THADA: variants seen among roughly 807,000 people sequenced by gnomAD.
The protein encoded by THADA is tRNA (32-2'-O)-methyltransferase regulator THADA.
In THADA, 213 loss-of-function variants were observed where a neutral mutation model predicts 219.8. The observed-to-expected ratio is 0.97, with a 90% CI of 0.87 to 1.09. The LOEUF is 1.09. Ranked by LOEUF, THADA falls within the 50% of genes least tolerant of loss-of-function variation. The probability of loss-of-function intolerance (pLI) is 0.00; values close to 1 mark genes in which losing one functional copy is unlikely to be tolerated. For missense variants in THADA, 2,956 were observed against 2,311.3 expected (o/e 1.28, Z -5.72); for synonymous variants, 1,018 against 828.9 (o/e 1.23, Z -3.92).
At chr2:43,381,469 C>T (rs1178905338) in intron 29 of THADA, among the ~76,000 whole-genome samples, 2 of 151,958 alleles carry the variant, frequency 1.3e-5, no homozygotes, top group African/African-American at 4.8e-5. Context: ...GATTTGATTC[C>T]AAAGAGTAGA....
At position 43,394,038 on chromosome 2, in the gene THADA, G is replaced by A. The variant is rs563332024; in HGVS notation, c.4227+3933C>T. Among the ~76,000 whole-genome samples the A allele has an allele frequency of 9.9e-4, 151 of 152,250 alleles. 1 individual carries two copies. The highest frequency in any genetic ancestry group is 3.5e-3 in the African/African-American group (146 of 41,554). On this transcript the variant is annotated intron_variant, in intron 29 of 37. Transcript: ENST00000405975. ...ATGAAGAGTTCTGGCAACAAAAACA[G>A]AAGGTTAAATCTACTTAAAAGACAG...
intron 29 of THADA, among the ~76,000 whole-genome samples, chr2:43,356,982 T>C (rs78681887): frequency 0.018 from 2,709 of 152,312 alleles, 54 homozygotes; most frequent in Non-Finnish European, 0.023. Context: ...TCAAAAGGAA[T>C]GTAGTATGAG....
At position 43,566,346 on chromosome 2, in the gene THADA, T is replaced by C. The variant is rs185088705; in HGVS notation, c.2311+352A>G. 1.4e-3 allele frequency: 835 copies of C among 590,846 alleles called. 2 individuals carry two copies. The highest frequency in any genetic ancestry group is 1.8e-3 in the Non-Finnish European group (609 of 331,072). The allele number at this position is 590,846 out of a possible 1,614,324, so 36.6% of individuals were successfully genotyped here. A position where few individuals can be genotyped will look rare whatever the true frequency, so the allele number is the denominator to read the frequency against. On this transcript the variant is annotated intron_variant, in intron 15 of 37. Coordinates refer to ENST00000405975, the MANE Select transcript of THADA (RefSeq NM_022065.5). Reference sequence around the variant, plus strand: ...ACTCACTGAGAAATATTAAATATAATAGAAGCTATTATTATTTCAAATTTT... The same window carrying C: ...ACTCACTGAGAAATATTAAATATAACAGAAGCTATTATTATTTCAAATTTT...
intron 36 of THADA, among the ~76,000 whole-genome samples, chr2:43,236,194 A>T (rs1668012276): frequency 1.3e-5 from 2 of 152,310 alleles, no homozygotes; most frequent in South Asian, 4.1e-4. Context: ...AGCTGGTGTG[A>T]TGTGGCCAGA....
chr2:43,322,377 G>A (rs1427220181), intron 30 of THADA, among the ~76,000 whole-genome samples: 8 of 151,706 alleles, frequency 5.3e-5, no homozygotes, highest in Non-Finnish European at 7.4e-5. Flanking sequence ...GGTGGCGGGC[G>A]CCTGTATTCC....
chr2:43,290,863 G>C (rs1027456720), intron 34 of THADA, among the ~76,000 whole-genome samples: 1 of 151,898 alleles, frequency 6.6e-6, no homozygotes, highest in Non-Finnish European at 1.5e-5. Flanking sequence ...CCAGGAAGCT[G>C]TTTTTCTTAC....
chr2:43,560,633 G>C (rs1442530618), intron 15 of THADA, among the ~76,000 whole-genome samples: 1 of 151,994 alleles, frequency 6.6e-6, no homozygotes, highest in Non-Finnish European at 1.5e-5. Context: ...CTATATAAAA[G>C]ATTTCTAAGT....
intron 17 of THADA, among the ~76,000 whole-genome samples, chr2:43,555,842 C>T (rs758524137): frequency 6.6e-6 from 1 of 152,070 alleles, no homozygotes; most frequent in Non-Finnish European, 1.5e-5. Flanking sequence ...GACTGACTAG[C>T]ATAAAATTAA....
At chr2:43,375,107 C>G (rs868851705) in intron 29 of THADA, among the ~76,000 whole-genome samples, 88 of 152,190 alleles carry the variant, frequency 5.8e-4, no homozygotes, top group Middle Eastern at 3.4e-3. Flanking sequence ...GAAACTATAT[C>G]ATGCCAGCCA....
chr2:43,331,355 A>G (rs1460982159), intron 30 of THADA, among the ~76,000 whole-genome samples: 1 of 152,224 alleles, frequency 6.6e-6, no homozygotes, highest in Non-Finnish European at 1.5e-5. Flanking sequence ...GCTAATAGAG[A>G]GATTTCTGTT....
chr2:43,290,197 C>T (rs189434518), intron 34 of THADA, among the ~76,000 whole-genome samples: 9 of 151,916 alleles, frequency 5.9e-5, no homozygotes, highest in African/African-American at 1.7e-4. Context: ...GTCTCAAATT[C>T]CTGACCTTAG....
intron 29 of THADA, among the ~76,000 whole-genome samples, chr2:43,366,880 T>A (rs1670216496): frequency 6.6e-6 from 1 of 152,238 alleles, no homozygotes; most frequent in African/African-American, 2.4e-5. Context: ...TACAGCCATG[T>A]TCAATGTACA....
chr2:43,477,310 C>T (rs1030666609), intron 26 of THADA, among the ~76,000 whole-genome samples: 1 of 152,112 alleles, frequency 6.6e-6, no homozygotes, highest in East Asian at 1.9e-4. Flanking sequence ...TAGGGAAATG[C>T]TCATACTGCA....
At chr2:43,462,696 T>C (rs575759526) in intron 26 of THADA, among the ~76,000 whole-genome samples, 1 of 152,308 alleles carries the variant, frequency 6.6e-6, no homozygotes, top group South Asian at 2.1e-4. Context: ...TTATACACTG[T>C]GCCCTATGGT....
intron 30 of THADA, among the ~76,000 whole-genome samples, chr2:43,332,096 A>AT (rs1391423657): frequency 6.6e-6 from 1 of 152,098 alleles, no homozygotes; most frequent in African/African-American, 2.4e-5. Context: ...TATTATTATT[A>AT]TTTTTTTGAG....
chr2:43,417,044 T>C (rs929685913), intron 28 of THADA, among the ~76,000 whole-genome samples: 17 of 149,440 alleles, frequency 1.1e-4, no homozygotes, highest in East Asian at 3.9e-4. Context: ...TTTCTTTTTT[T>C]TTTTTTTTTT....
At chr2:43,545,524 G>T (rs147196397) in intron 20 of THADA, among the ~76,000 whole-genome samples, 1 of 151,860 alleles carries the variant, frequency 6.6e-6, no homozygotes, top group Non-Finnish European at 1.5e-5. Context: ...TTGTTGGTAA[G>T]CTATTGATTA....
chr2:43,263,061 A>T (rs1197430762), intron 36 of THADA, among the ~76,000 whole-genome samples: 1 of 152,042 alleles, frequency 6.6e-6, no homozygotes, highest in Non-Finnish European at 1.5e-5. Context: ...ATCTACCTTT[A>T]GTGTTTGTCC....
At chr2:43,528,890 G>C (rs531026506) in intron 21 of THADA, among the ~76,000 whole-genome samples, 1 of 151,324 alleles carries the variant, frequency 6.6e-6, no homozygotes, top group South Asian at 2.1e-4. Context: ...TCATACTTTT[G>C]TACAACCATC....
Sources: allele counts gnomAD v4.1 joint callset (sites outside exome capture counted in the v4.1 genomes callset), GRCh38; gene constraint gnomAD v4.1.1; transcripts MANE v1.5; gene names NCBI Gene and HGNC (gene_info 2026-07-23, HGNC 2026-07-21).